Variants in CDR2 observed in about 807,000 individuals in gnomAD.
The protein encoded by CDR2 is cerebellar degeneration-related protein 2.
Under a neutral mutation model 48.4 loss-of-function variants are expected in CDR2, and 34 were observed. The observed-to-expected ratio is 0.70, with a 90% CI of 0.53 to 0.94. The LOEUF is 0.94. Among genes scored for constraint, CDR2 ranks in the 40% least tolerant of loss-of-function variants. CDR2 has a pLI of 0.00. For missense variants in CDR2, 498 were observed against 549.5 expected (o/e 0.91, Z 0.94); for synonymous variants, 240 against 219.7 (o/e 1.09, Z -0.82).
At chr16:22,367,486 T>C (rs1218149546) in intron 1 of CDR2, among the ~76,000 whole-genome samples, 1 of 152,230 alleles carries the variant, frequency 6.6e-6, no homozygotes, top group Non-Finnish European at 1.5e-5. Context: ...TATAGGATTT[T>C]ATAGCCCATG....
At position 22,360,275 on chromosome 16, in the gene CDR2, C is replaced by CT. The variant is rs536157700; in HGVS notation, c.192+4626dup. Among the ~76,000 whole-genome samples, 36 of 152,254 alleles carry CT rather than the reference C, an allele frequency of 2.4e-4. No homozygotes were observed. The South Asian group carries it at 3.5e-3, about 15-fold the overall frequency. ...TTGCTCTGGATTCTTAAAAAATTAT[C>CT]TAAGTTTTTCAAATTAGCACTGAAA... On this transcript the variant is annotated intron_variant, in intron 2 of 4. Transcript: ENST00000268383.
At chr16:22,356,345 C>T (rs1751329929) in intron 2 of CDR2, among the ~76,000 whole-genome samples, 1 of 152,226 alleles carries the variant, frequency 6.6e-6, no homozygotes, top group Non-Finnish European at 1.5e-5. Flanking sequence ...TGGCCAGGTG[C>T]TGTGGCTCAT....
chr16:22,346,692 T>C lies in CDR2; in HGVS notation c.*273A>G, dbSNP rs924747361. ...CTTCTCCAGAAGTATAGCTCTTCCC[T>C]CCACTGGTCCTTTTCAGGAACTGAA... On this transcript the variant is annotated 3_prime_UTR_variant, in exon 5 of 5. Coordinates refer to ENST00000268383, the MANE Select transcript of CDR2 (RefSeq NM_001802.2). 2 of 446,884 alleles carry C rather than the reference T, an allele frequency of 4.5e-6. No individual in the cohort carries two copies. Among genetic ancestry groups the C allele is most frequent in the Admixed American group, 3.7e-5 (1 of 26,754 alleles). 27.7% of individuals were successfully genotyped at this position (446,884 alleles called of 1,614,324 possible).
intron 1 of CDR2, among the ~76,000 whole-genome samples, chr16:22,371,056 C>T (rs923628715): frequency 8.6e-5 from 13 of 152,038 alleles, no homozygotes; most frequent in Admixed American, 8.5e-4. Context: ...ACTAAAAATA[C>T]AAAAATTAGC....
In CDR2 at chr16:22,364,894, T is replaced by C. The variant is rs749170825; in HGVS notation, c.192+8A>G. The C allele has an allele frequency of 2.0e-6, 3 of 1,525,194 alleles. No homozygotes were observed. Among genetic ancestry groups the C allele is most frequent in the Non-Finnish European group, 2.7e-6 (3 of 1,099,342 alleles). 94.5% of individuals were successfully genotyped at this position (1,525,194 alleles called of 1,614,324 possible). On this transcript the variant is annotated splice_region_variant and intron_variant, in intron 2 of 4. Transcript: ENST00000268383. ...TCAAAAGTGTAACTCTCCTGCCAAG[T>C]GAATTACCTCAATTTCCTGTAACTG...
chr16:22,373,223 C>T (rs934494957), intron 1 of CDR2, among the ~76,000 whole-genome samples: 3 of 152,156 alleles, frequency 2.0e-5, no homozygotes, highest in Non-Finnish European at 4.4e-5. Context: ...AACAGGGGCC[C>T]CACTGGCCCC....
At chr16:22,359,405 G>A (rs985320124) in intron 2 of CDR2, among the ~76,000 whole-genome samples, 1 of 152,162 alleles carries the variant, frequency 6.6e-6, no homozygotes, top group Non-Finnish European at 1.5e-5. Flanking sequence ...GATTACAGGA[G>A]TGAGCCACCG....
chr16:22,355,644 G>C (rs892345991), intron 2 of CDR2, among the ~76,000 whole-genome samples: 1 of 152,146 alleles, frequency 6.6e-6, no homozygotes, highest in Non-Finnish European at 1.5e-5. Context: ...CCAAAGCAAA[G>C]TTGTTCATCT....
chr16:22,348,035 TCAAGCGATTCTC>T (rs1282376308), intron 4 of CDR2, among the ~76,000 whole-genome samples: 2 of 152,098 alleles, frequency 1.3e-5, no homozygotes, highest in Non-Finnish European at 2.9e-5. Context: ...CCTCCCAGGT[TCAAGCGATTCTC>T]CTGCCTCAGC....
chr16:22,374,026 T>C (rs1364022410), intron 1 of CDR2, among the ~76,000 whole-genome samples: 1 of 152,322 alleles, frequency 6.6e-6, no homozygotes, highest in East Asian at 1.9e-4. Context: ...GATATTCAAC[T>C]GCGCATTAGC....
chr16:22,361,656 A>G (rs2049010864), intron 2 of CDR2, among the ~76,000 whole-genome samples: 1 of 152,202 alleles, frequency 6.6e-6, no homozygotes, highest in South Asian at 2.1e-4. Flanking sequence ...ACTTACTTTC[A>G]TGAAGCAACT....
intron 2 of CDR2, among the ~76,000 whole-genome samples, chr16:22,359,854 A>G (rs909439432): frequency 6.7e-6 from 1 of 150,018 alleles, no homozygotes; most frequent in Non-Finnish European, 1.5e-5. Context: ...AGTATTGATT[A>G]CCTAGTATGT....
chr16:22,349,870 C>T (rs2048930847), intron 2 of CDR2, 21 bp from the exon 3 acceptor site: 6 of 1,612,960 alleles, frequency 3.7e-6, no homozygotes, highest in Non-Finnish European at 5.1e-6. Context: ...AGATCAGGAC[C>T]AGGTGACACA....
rs2048907502 is a variant in CDR2, at chr16:22,346,751, T to C, written c.*214A>G. ...AGCGCGCCAGCCAGAGGCCAGTTTG[T>C]CATGGGATTTCCTGGGGAGCTTAAA... On this transcript the variant is annotated 3_prime_UTR_variant, in exon 5 of 5. Coordinates refer to ENST00000268383, the MANE Select transcript of CDR2 (RefSeq NM_001802.2). 2 of 592,358 alleles carry C rather than the reference T, an allele frequency of 3.4e-6. No individual in the cohort carries two copies. The highest frequency in any genetic ancestry group is 3.7e-5 in the African/African-American group (2 of 53,900). The allele number at this position is 592,358 out of a possible 1,614,324, so 36.7% of individuals were successfully genotyped here.
intron 2 of CDR2, among the ~76,000 whole-genome samples, chr16:22,356,953 G>GAAAAAAAAAAAAAAAAAAAAAAA (rs1162529433): frequency 2.3e-5 from 2 of 87,510 alleles, no homozygotes; most frequent in Admixed American, 1.4e-4. Context: ...AAAAAAAAAA[G>GAAAAAAAAAAAAAAAAAAAAAAA]AAAAAAAAAA....
At position 22,374,422 on chromosome 16, in the gene CDR2, G is replaced by A. The variant is rs2049104109; in HGVS notation, c.-113C>T. 6.1e-6 allele frequency: 3 copies of A among 493,954 alleles called. No individual in the cohort carries two copies. The highest frequency in any genetic ancestry group is 9.6e-6 in the Non-Finnish European group (3 of 311,920). 30.6% of individuals were successfully genotyped at this position (493,954 alleles called of 1,614,324 possible). A position where few individuals can be genotyped will look rare whatever the true frequency, so the allele number is the denominator to read the frequency against. Reference sequence around the variant, plus strand: ...AGCCAGAGCCGCCCTCGGGCGGGACGCGCCGCCGCCCAGACTCCGCTGCGC... The same window carrying A: ...AGCCAGAGCCGCCCTCGGGCGGGACACGCCGCCGCCCAGACTCCGCTGCGC... On this transcript the variant is annotated 5_prime_UTR_variant, in exon 1 of 5. Coordinates refer to ENST00000268383, the MANE Select transcript of CDR2 (RefSeq NM_001802.2).
intron 2 of CDR2, among the ~76,000 whole-genome samples, chr16:22,354,979 T>C (rs182909405): frequency 1.3e-5 from 2 of 152,278 alleles, no homozygotes; most frequent in East Asian, 3.9e-4. Flanking sequence ...AACTCCCACG[T>C]ACCCATCAAC....
intron 2 of CDR2, among the ~76,000 whole-genome samples, chr16:22,361,871 G>A (rs2049012483): frequency 2.0e-5 from 3 of 149,436 alleles, no homozygotes; most frequent in South Asian, 4.2e-4. Context: ...TAAATCTCCT[G>A]AATAGTTTTA....
Position 22,364,908 on chromosome 16 carries a change from T to C in CDR2, c.186A>G (p.Glu62=), listed in dbSNP as rs965648667. ...MYTTNQEQLQ[E]IEYLTKQVEL... is the part of the protein sequence containing the mutation. Reference sequence around the variant, plus strand: ...CTCCTGCCAAGTGAATTACCTCAATTTCCTGTAACTGCTCCTGATTGGTTG... The same window carrying C: ...CTCCTGCCAAGTGAATTACCTCAATCTCCTGTAACTGCTCCTGATTGGTTG... The change falls in exon 2 of 5, where the codon GAA becomes GAG. Residue 62 remains glutamate (E), a synonymous_variant. Coordinates refer to ENST00000268383, the MANE Select transcript of CDR2 (RefSeq NM_001802.2). 6.3e-7 allele frequency: 1 copy of C among 1,595,696 alleles called. No homozygotes were observed. Among genetic ancestry groups the C allele is most frequent in the Admixed American group, 1.7e-5 (1 of 59,948 alleles).
Sources: allele counts gnomAD v4.1 joint callset (sites outside exome capture counted in the v4.1 genomes callset), GRCh38; gene constraint gnomAD v4.1.1; transcripts MANE v1.5; gene names NCBI Gene and HGNC (gene_info 2026-07-23, HGNC 2026-07-21).